The following SNTG1 variants were observed in gnomAD, a reference collection of about 807,000 sequenced individuals.
The protein encoded by SNTG1 is gamma-1-syntrophin.
Under a neutral mutation model 74.7 loss-of-function variants are expected in SNTG1, and 39 were observed. The observed-to-expected ratio is 0.52, with a 90% confidence interval of 0.40 to 0.68. The LOEUF (loss-of-function observed/expected upper bound fraction) is 0.68. Among genes scored for constraint, SNTG1 ranks in the 30% least tolerant of loss-of-function variants. SNTG1 has a pLI of 0.00. For missense variants in SNTG1, 685 were observed against 609.5 expected (o/e 1.12, Z -1.30); for synonymous variants, 254 against 217.1 (o/e 1.17, Z -1.49).
intron 4 of SNTG1, among the ~76,000 whole-genome samples, chr8:50,422,889 T>C (rs942143355): frequency 3.9e-5 from 6 of 152,026 alleles, no homozygotes; most frequent in African/African-American, 1.5e-4. Flanking sequence ...GGTGGCTGAG[T>C]TTTGGCAAAG....
intron 13 of SNTG1, among the ~76,000 whole-genome samples, chr8:50,619,687 T>C (rs1252535498): frequency 7.0e-6 from 1 of 143,078 alleles, no homozygotes; most frequent in Admixed American, 7.5e-5. Flanking sequence ...GCCGAGATCG[T>C]GCCACTGCAC....
chr8:50,495,948 A>G (rs560851641), intron 8 of SNTG1, among the ~76,000 whole-genome samples: 1 of 152,274 alleles, frequency 6.6e-6, no homozygotes, highest in East Asian at 1.9e-4. Context: ...TTCCTGTAAA[A>G]AGCCAAGTTC....
intron 5 of SNTG1, among the ~76,000 whole-genome samples, chr8:50,440,897 T>G (rs1330435789): frequency 1.3e-5 from 2 of 152,216 alleles, no homozygotes; most frequent in African/African-American, 4.8e-5. Flanking sequence ...AAACACATTC[T>G]TTAAAAAAGA....
intron 12 of SNTG1, among the ~76,000 whole-genome samples, chr8:50,588,170 A>G (rs1354282519): frequency 6.6e-6 from 1 of 152,078 alleles, no homozygotes; most frequent in African/African-American, 2.4e-5. Context: ...ACCTACTTTA[A>G]GTTATTGTTT....
intron 1 of SNTG1, among the ~76,000 whole-genome samples, chr8:50,113,932 A>G (rs978582716): frequency 6.6e-6 from 1 of 151,460 alleles, no homozygotes; most frequent in African/African-American, 2.4e-5. Flanking sequence ...AAATAAATAA[A>G]TAAATAAATA....
At chr8:50,790,096 A>G (rs1423337590) in intron 18 of SNTG1, among the ~76,000 whole-genome samples, 1 of 151,856 alleles carries the variant, frequency 6.6e-6, no homozygotes, top group Non-Finnish European at 1.5e-5. Context: ...TTTCCTTCCC[A>G]CGGCCCTTTG....
intron 1 of SNTG1, among the ~76,000 whole-genome samples, chr8:49,950,218 ACTCTT>A (rs1809582593): frequency 6.6e-6 from 1 of 152,104 alleles, no homozygotes; most frequent in Admixed American, 6.6e-5. Context: ...ATCTTTACAG[ACTCTT>A]CTCTGAGTAA....
rs28644781 is a variant in SNTG1 at position 50,142,060 on chromosome 8, T to C, written c.-102-30501T>C. On this transcript the variant is annotated intron_variant, in intron 1 of 18. Coordinates refer to ENST00000642720, the MANE Select transcript of SNTG1 (RefSeq NM_018967.5). Reference sequence around the variant, plus strand: ...ACTTACTTTTTATCTTTAAATGTTATGACATTTCTTTCTGGGTCACTATAA... The same window carrying C: ...ACTTACTTTTTATCTTTAAATGTTACGACATTTCTTTCTGGGTCACTATAA... Among the ~76,000 whole-genome samples, 1,208 of 152,284 alleles carry C rather than the reference T, an allele frequency of 7.9e-3. 16 individuals are homozygous for C. The highest frequency in any genetic ancestry group is 0.028 in the African/African-American group (1,164 of 41,576).
At chr8:50,628,819 G>T (rs758112596) in intron 13 of SNTG1, among the ~76,000 whole-genome samples, 26 of 152,062 alleles carry the variant, frequency 1.7e-4, no homozygotes, top group Admixed American at 5.3e-4. Context: ...AAATATTGAG[G>T]TATCTTTGTT....
intron 12 of SNTG1, among the ~76,000 whole-genome samples, chr8:50,581,814 G>A (rs1017739215): frequency 5.9e-5 from 9 of 152,078 alleles, no homozygotes; most frequent in Non-Finnish European, 1.0e-4. Flanking sequence ...GTCCTTACTC[G>A]GCAAGTGTTC....
intron 2 of SNTG1, among the ~76,000 whole-genome samples, chr8:50,378,659 G>A (rs918004610): frequency 5.3e-5 from 8 of 152,064 alleles, no homozygotes; most frequent in African/African-American, 1.4e-4. Flanking sequence ...AGCAGAGAAG[G>A]TAGCTCCTCT....
intron 12 of SNTG1, among the ~76,000 whole-genome samples, chr8:50,581,607 A>C (rs936303190): frequency 6.6e-6 from 1 of 152,230 alleles, no homozygotes; most frequent in Non-Finnish European, 1.5e-5. Flanking sequence ...AAAAAAAATT[A>C]GAGATTAGTA....
At chr8:50,402,560 G>A (rs536408145) in intron 4 of SNTG1, among the ~76,000 whole-genome samples, 2 of 152,108 alleles carry the variant, frequency 1.3e-5, no homozygotes, top group Non-Finnish European at 2.9e-5. Flanking sequence ...CCAGCCTGTT[G>A]TCTATGACTC....
intron 8 of SNTG1, among the ~76,000 whole-genome samples, chr8:50,474,560 T>TA (rs1214472183): frequency 1.3e-5 from 2 of 152,046 alleles, no homozygotes; most frequent in African/African-American, 4.8e-5. Context: ...TGGCGATCAT[T>TA]AAAAAATCAG....
intron 2 of SNTG1, among the ~76,000 whole-genome samples, chr8:50,389,235 G>A (rs1157101706): frequency 6.6e-6 from 1 of 152,128 alleles, no homozygotes; most frequent in African/African-American, 2.4e-5. Context: ...ATGCTGTAGT[G>A]GATACAGTTG....
intron 1 of SNTG1, among the ~76,000 whole-genome samples, chr8:49,948,091 A>G (rs534348554): frequency 6.6e-6 from 1 of 152,270 alleles, no homozygotes; most frequent in South Asian, 2.1e-4. Flanking sequence ...AGATCTTGCC[A>G]CTGCACTCAA....
chr8:50,064,126 C>T (rs1039312408), intron 1 of SNTG1, among the ~76,000 whole-genome samples: 4 of 152,158 alleles, frequency 2.6e-5, no homozygotes, highest in Non-Finnish European at 5.9e-5. Flanking sequence ...CATAAAGTAA[C>T]CTACACAGTG....
At chr8:50,633,257 C>A (rs970507603) in intron 13 of SNTG1, among the ~76,000 whole-genome samples, 3 of 152,178 alleles carry the variant, frequency 2.0e-5, no homozygotes, top group Non-Finnish European at 4.4e-5. Context: ...TCTAATGGTT[C>A]TTCACGTGGG....
At chr8:50,594,278 A>G (rs2094712320) in intron 13 of SNTG1, among the ~76,000 whole-genome samples, 1 of 152,096 alleles carries the variant, frequency 6.6e-6, no homozygotes, top group Non-Finnish European at 1.5e-5. Flanking sequence ...ATTTTTACTC[A>G]TTTTTAACTG....
Sources: allele counts gnomAD v4.1 joint callset (sites outside exome capture counted in the v4.1 genomes callset), GRCh38; gene constraint gnomAD v4.1.1; transcripts MANE v1.5; gene names NCBI Gene and HGNC (gene_info 2026-07-23, HGNC 2026-07-21).